AGBL1: variants seen among roughly 807,000 people sequenced by gnomAD.
AGBL1 encodes AGBL carboxypeptidase 1.
AGBL1 carries 130 observed loss-of-function variants against 118.9 expected under a neutral mutation model. That is an observed-to-expected ratio of 1.09 (90% CI 0.95 to 1.26). The LOEUF (loss-of-function observed/expected upper bound fraction) is 1.26, where lower values mean the gene tolerates loss of function less well. Among genes scored for constraint, AGBL1 ranks in the 50% most tolerant of loss-of-function variants. The pLI, the probability that AGBL1 is intolerant of heterozygous loss-of-function variation, is 0.00. For missense variants in AGBL1, 1,584 were observed against 1,298.1 expected, an observed-to-expected ratio of 1.22 and a Z score of -3.38; for synonymous variants, 555 against 478.9, an observed-to-expected ratio of 1.16 and a Z score of -2.08.
At chr15:86,993,830 G>T (rs1195553654) in intron 24 of AGBL1, among the ~76,000 whole-genome samples, 1 of 151,970 alleles carries the variant, frequency 6.6e-6, no homozygotes, top group Non-Finnish European at 1.5e-5. Context: ...ATTAGCGCTG[G>T]CCTGCTTTGC....
intron 5 of AGBL1, among the ~76,000 whole-genome samples, chr15:86,185,278 C>A (rs1280223762): frequency 6.6e-6 from 1 of 152,082 alleles, no homozygotes; most frequent in Non-Finnish European, 1.5e-5. Context: ...GAGGATGTGG[C>A]AAAATAAGAA....
intron 18 of AGBL1, among the ~76,000 whole-genome samples, chr15:86,455,958 C>A (rs963181068): frequency 6.6e-6 from 1 of 152,148 alleles, no homozygotes; most frequent in Non-Finnish European, 1.5e-5. Context: ...ATCCCCACAA[C>A]ACTAGTTTTT....
chr15:86,522,983 C>G (rs1234123931), intron 19 of AGBL1, 44 bp downstream of exon 19: 4 of 1,586,954 alleles, frequency 2.5e-6, no homozygotes, highest in Non-Finnish European at 3.5e-6. Context: ...CTGCTTCCTT[C>G]TACCTTCCAG....
intron 18 of AGBL1, among the ~76,000 whole-genome samples, chr15:86,513,326 T>G (rs111835409): frequency 0.12 from 18,405 of 151,968 alleles, 2,489 homozygotes; most frequent in African/African-American, 0.33. Flanking sequence ...TTGTCTGATG[T>G]TTCCTCATTA....
chr15:86,393,816 G>T (rs543102109), intron 17 of AGBL1, among the ~76,000 whole-genome samples: 1 of 152,268 alleles, frequency 6.6e-6, no homozygotes, highest in African/African-American at 2.4e-5. Context: ...AAGTGATGGT[G>T]TCAGAAGGTG....
At chr15:86,901,083 G>A (rs1372845043) in intron 22 of AGBL1, among the ~76,000 whole-genome samples, 1 of 152,042 alleles carries the variant, frequency 6.6e-6, no homozygotes, top group East Asian at 1.9e-4. Context: ...TGAGGATTTT[G>A]TTTGAGTCCA....
At chr15:86,105,660 G>A (rs1897013536) in intron 1 of AGBL1, among the ~76,000 whole-genome samples, 1 of 152,154 alleles carries the variant, frequency 6.6e-6, no homozygotes, top group South Asian at 2.1e-4. Flanking sequence ...TATTTTCCGG[G>A]TCACAGGGCA....
chr15:86,092,712 G>C (rs916301437), intron 1 of AGBL1, among the ~76,000 whole-genome samples: 1 of 151,984 alleles, frequency 6.6e-6, no homozygotes, highest in Non-Finnish European at 1.5e-5. Flanking sequence ...CAAGGGGCTG[G>C]CATCTGACCA....
intron 5 of AGBL1, among the ~76,000 whole-genome samples, chr15:86,209,735 T>C (rs2078059258): frequency 1.3e-5 from 2 of 152,176 alleles, no homozygotes; most frequent in South Asian, 4.1e-4. Context: ...GTCTCCTGAA[T>C]ACAGCACATT....
intron 1 of AGBL1, among the ~76,000 whole-genome samples, chr15:86,112,850 T>A (rs8032784): frequency 0.16 from 23,827 of 147,046 alleles, 1,963 homozygotes; most frequent in East Asian, 0.27. Context: ...ATGTAACTGA[T>A]TTTTTTTTTA....
chr15:86,906,814 T>C (rs955507158), intron 22 of AGBL1, among the ~76,000 whole-genome samples: 5 of 152,012 alleles, frequency 3.3e-5, no homozygotes, highest in South Asian at 4.2e-4. Flanking sequence ...GTTACAACTT[T>C]CCCCCCCAAG....
At chr15:86,754,856 T>C (rs550718789) in intron 22 of AGBL1, among the ~76,000 whole-genome samples, 2 of 152,222 alleles carry the variant, frequency 1.3e-5, no homozygotes, top group East Asian at 3.9e-4. Context: ...ATCTGTCCTT[T>C]ACCTGGCAAT....
intron 22 of AGBL1, among the ~76,000 whole-genome samples, chr15:86,845,586 A>G (rs1254223542): frequency 6.6e-6 from 1 of 152,172 alleles, no homozygotes; most frequent in Non-Finnish European, 1.5e-5. Flanking sequence ...TAGCACAGTG[A>G]TACTGGCCCC....
At chr15:86,574,001 C>G (rs1178625893) in intron 21 of AGBL1, among the ~76,000 whole-genome samples, 43 of 152,004 alleles carry the variant, frequency 2.8e-4, no homozygotes, top group Admixed American at 2.8e-3. Flanking sequence ...TTTATTTTCT[C>G]AGATAAGCCA....
intron 22 of AGBL1, among the ~76,000 whole-genome samples, chr15:86,677,830 G>A (rs567213212): frequency 2.0e-5 from 3 of 152,226 alleles, no homozygotes; most frequent in African/African-American, 7.2e-5. Context: ...AATTAAAAAG[G>A]TGCTTGATTT....
chr15:86,349,620 A>G (rs962105395), intron 17 of AGBL1, among the ~76,000 whole-genome samples: 3 of 152,234 alleles, frequency 2.0e-5, no homozygotes, highest in African/African-American at 7.2e-5. Flanking sequence ...CTTCCTAAAT[A>G]AATGAACAAA....
At chr15:86,948,613 G>GTGAT (rs2080849440) in intron 23 of AGBL1, among the ~76,000 whole-genome samples, 1 of 152,192 alleles carries the variant, frequency 6.6e-6, no homozygotes, top group Non-Finnish European at 1.5e-5. Context: ...TAGCCAACGA[G>GTGAT]TGATTGAATG....
At chr15:86,337,578 C>T (rs891009844) in intron 17 of AGBL1, among the ~76,000 whole-genome samples, 4 of 152,146 alleles carry the variant, frequency 2.6e-5, no homozygotes, top group Admixed American at 1.3e-4. Context: ...AAGCTGGAAG[C>T]CATTATCCTC....
At chr15:86,707,484 C>G (rs558414401) in intron 22 of AGBL1, among the ~76,000 whole-genome samples, 4 of 152,092 alleles carry the variant, frequency 2.6e-5, no homozygotes, top group Admixed American at 2.6e-4. Context: ...AAAACATACT[C>G]TGCCACGTTT....
Sources: allele counts gnomAD v4.1 joint callset (sites outside exome capture counted in the v4.1 genomes callset), GRCh38; gene constraint gnomAD v4.1.1; transcripts MANE v1.5; gene names NCBI Gene and HGNC (gene_info 2026-07-23, HGNC 2026-07-21).